Variants in PLEKHA7 observed in about 807,000 individuals in gnomAD.
The protein encoded by PLEKHA7 is pleckstrin homology domain-containing family A member 7.
Under a neutral mutation model 170.0 loss-of-function variants are expected in PLEKHA7, and 104 were observed. The ratio of observed to expected loss-of-function variants is 0.61; its 90% CI spans 0.52 to 0.72. PLEKHA7 has a LOEUF of 0.72. PLEKHA7 is among the 30% of genes least tolerant of loss of function. The pLI is 0.00. For missense variants in PLEKHA7, 1,615 were observed against 1,671.7 expected, an observed-to-expected ratio of 0.97 and a Z score of 0.59; for synonymous variants, 648 against 660.8, an observed-to-expected ratio of 0.98 and a Z score of 0.30.
At chr11:16,962,087 T>C (rs1862097501) in intron 3 of PLEKHA7, among the ~76,000 whole-genome samples, 1 of 152,198 alleles carries the variant, frequency 6.6e-6, no homozygotes, top group African/African-American at 2.4e-5. Context: ...ATCGATTCTT[T>C]TTCCTAAAAC....
intron 10 of PLEKHA7, among the ~76,000 whole-genome samples, chr11:16,824,879 C>T (rs574398739): frequency 1.2e-4 from 18 of 152,322 alleles, no homozygotes; most frequent in Non-Finnish European, 2.6e-4. Flanking sequence ...AACCACCTAC[C>T]AGGGGCCTAC....
At chr11:16,978,511 G>A (rs563879888) in intron 3 of PLEKHA7, among the ~76,000 whole-genome samples, 68 of 152,340 alleles carry the variant, frequency 4.5e-4, no homozygotes, top group Non-Finnish European at 8.5e-4. Context: ...GCTAGATGCT[G>A]CACGTGTGGT....
chr11:16,896,719 A>G (rs182404346), intron 3 of PLEKHA7, among the ~76,000 whole-genome samples: 1 of 152,144 alleles, frequency 6.6e-6, no homozygotes, highest in African/African-American at 2.4e-5. Context: ...AGTAGTTCCC[A>G]TTACCTTCTG....
intron 3 of PLEKHA7, among the ~76,000 whole-genome samples, chr11:17,001,666 C>G (rs973323048): frequency 6.6e-6 from 1 of 151,972 alleles, no homozygotes; most frequent in African/African-American, 2.4e-5. Context: ...CGAGAGGTAG[C>G]CAGCAGCCCC....
At chr11:16,954,555 T>A in intron 3 of PLEKHA7, among the ~76,000 whole-genome samples, 2 of 151,214 alleles carry the variant, frequency 1.3e-5, no homozygotes, top group African/African-American at 2.4e-5. Flanking sequence ...AAACAAAAAC[T>A]AATAAGATAG....
chr11:16,840,905 G>A (rs1398496839), intron 9 of PLEKHA7, among the ~76,000 whole-genome samples: 3 of 152,304 alleles, frequency 2.0e-5, no homozygotes, highest in South Asian at 4.1e-4. Context: ...TCCACCCTTA[G>A]GTTACAAGAG....
rs552848618 is a variant in PLEKHA7, at chr11:16,833,212, C to T, written c.873-6622G>A. 7.9e-5 allele frequency among the ~76,000 whole-genome samples: 12 copies of T among 152,248 alleles called. No homozygotes were observed. In the South Asian group the frequency reaches 2.3e-3, roughly 29 times the overall value. ...AGAGGGCTTGACAGCTTTGATGACA[C>T]CCTCCACAATCCTTCAGGCCTCCCT... On this transcript the variant is annotated intron_variant, in intron 9 of 26. Coordinates refer to ENST00000531066, the MANE Select transcript of PLEKHA7 (RefSeq NM_001329630.2).
At chr11:16,951,494 T>G (rs1861405134) in intron 3 of PLEKHA7, among the ~76,000 whole-genome samples, 1 of 152,124 alleles carries the variant, frequency 6.6e-6, no homozygotes, top group Non-Finnish European at 1.5e-5. Context: ...ATAGATATTT[T>G]TATTAGTTCC....
intron 3 of PLEKHA7, among the ~76,000 whole-genome samples, chr11:16,984,838 G>A (rs1280219208): frequency 6.6e-6 from 1 of 152,156 alleles, no homozygotes; most frequent in African/African-American, 2.4e-5. Context: ...TTTAATAAAG[G>A]AATGAATGAC....
At chr11:16,971,099 T>C (rs1325864291) in intron 3 of PLEKHA7, among the ~76,000 whole-genome samples, 1 of 152,200 alleles carries the variant, frequency 6.6e-6, no homozygotes, top group Non-Finnish European at 1.5e-5. Context: ...TTACTGTGTT[T>C]TTAATAGACA....
At chr11:16,917,444 T>C (rs565120497) in intron 3 of PLEKHA7, among the ~76,000 whole-genome samples, 51 of 152,326 alleles carry the variant, frequency 3.3e-4, no homozygotes, top group Non-Finnish European at 5.7e-4. Flanking sequence ...ATCAGTCTTA[T>C]TGGACTGAAA....
In PLEKHA7 at chr11:16,975,280, T is replaced by A. The variant is rs1182724525; in HGVS notation, c.221+38709A>T. On this transcript the variant is annotated intron_variant, in intron 3 of 26. Coordinates refer to ENST00000531066, the MANE Select transcript of PLEKHA7 (RefSeq NM_001329630.2). ...TACAACCTTTTGAGACTAGCTTTTTTAAAAATTCAACATAAGCATGTATTT... is the reference window on the plus strand; with the variant it reads ...TACAACCTTTTGAGACTAGCTTTTTAAAAAATTCAACATAAGCATGTATTT... 3.9e-5 allele frequency among the ~76,000 whole-genome samples: 6 copies of A among 152,228 alleles called. No individual in the cohort carries two copies. The South Asian group carries it at 6.2e-4, about 16-fold the overall frequency.
At chr11:16,814,547 C>T (rs1171862140) in intron 12 of PLEKHA7, among the ~76,000 whole-genome samples, 2 of 152,192 alleles carry the variant, frequency 1.3e-5, no homozygotes, top group East Asian at 1.9e-4. Flanking sequence ...CCTTGAGAAG[C>T]TTGCCTGCAA....
intron 25 of PLEKHA7, among the ~76,000 whole-genome samples, chr11:16,783,473 G>A (rs1849187663): frequency 6.6e-6 from 1 of 152,226 alleles, no homozygotes; most frequent in African/African-American, 2.4e-5. Context: ...GACAGCCCAG[G>A]ACAAGAAGCC....
intron 3 of PLEKHA7, among the ~76,000 whole-genome samples, chr11:16,991,089 C>A (rs1336398620): frequency 6.6e-6 from 1 of 152,040 alleles, no homozygotes; most frequent in East Asian, 1.9e-4. Context: ...GGTTCCCAAA[C>A]TGGAGAGGAA....
At chr11:16,920,844 G>A (rs545893888) in intron 3 of PLEKHA7, among the ~76,000 whole-genome samples, 6 of 152,200 alleles carry the variant, frequency 3.9e-5, no homozygotes, top group Non-Finnish European at 7.3e-5. Flanking sequence ...CACACCTAGA[G>A]CCTCACCCGT....
At position 16,816,836 on chromosome 11, in the gene PLEKHA7, C is replaced by T. The variant is rs142792914; in HGVS notation, c.1830G>A (p.Gly610=). 3.8e-5 allele frequency: 62 copies of T among 1,614,106 alleles called. No individual in the cohort carries two copies. The highest frequency in any genetic ancestry group is 1.7e-4 in the Middle Eastern group (1 of 6,044). The change falls in exon 11 of 27, where the codon GGG becomes GGA. Residue 610 remains glycine (G), a synonymous_variant. Coordinates refer to ENST00000531066, the MANE Select transcript of PLEKHA7 (RefSeq NM_001329630.2). ...GGCCCCGTGCCCTCCTTGGAGAATCCCCCAGCGAGATGTCCACACTCCTCC... is the reference window on the plus strand; with the variant it reads ...GGCCCCGTGCCCTCCTTGGAGAATCTCCCAGCGAGATGTCCACACTCCTCC... ...DQRRSVDISL[G]DSPRRARGHA...
intron 3 of PLEKHA7, among the ~76,000 whole-genome samples, chr11:16,906,244 AAGGAAG>A (rs1421491180): frequency 4.2e-4 from 47 of 110,932 alleles, no homozygotes; most frequent in Non-Finnish European, 8.7e-4. Flanking sequence ...GGAAGGAAGG[AAGGAAG>A]GAAGGAAGGA....
intron 3 of PLEKHA7, among the ~76,000 whole-genome samples, chr11:16,887,042 C>G (rs2135872010): frequency 6.6e-6 from 1 of 152,028 alleles, no homozygotes; most frequent in African/African-American, 2.4e-5. Flanking sequence ...TTTATTAAGC[C>G]AAGTTGAGAA....
Sources: gnomAD v4.1 joint callset for allele counts (sites outside exome capture counted in the v4.1 genomes callset) on GRCh38, gnomAD v4.1.1 for gene constraint, MANE v1.5 for transcripts, NCBI Gene and HGNC (gene_info 2026-07-23, HGNC 2026-07-21) for gene names.